Variants in CYLC2 observed in about 807,000 individuals in gnomAD.
CYLC2 encodes cylicin-2.
In CYLC2, 30 loss-of-function variants were observed where a neutral mutation model predicts 26.1. The observed-to-expected ratio is 1.15, with a 90% confidence interval of 0.86 to 1.56. The LOEUF is 1.56. Ranked by LOEUF, CYLC2 falls within the 40% of genes most tolerant of loss-of-function variation. The pLI is 0.00. For missense variants in CYLC2, 498 were observed against 394.4 expected (o/e 1.26, Z -2.23); for synonymous variants, 158 against 132.8 (o/e 1.19, Z -1.31).
intron 1 of CYLC2, among the ~76,000 whole-genome samples, chr9:102,998,698 T>C (rs76032194): frequency 2.8e-4 from 43 of 152,040 alleles, no homozygotes; most frequent in Non-Finnish European, 4.9e-4. Context: ...CTAACTCTAA[T>C]CTCATAAACA....
At chr9:102,996,754 T>C (rs1037131702) in intron 1 of CYLC2, among the ~76,000 whole-genome samples, 1 of 152,010 alleles carries the variant, frequency 6.6e-6, no homozygotes, top group Non-Finnish European at 1.5e-5. Flanking sequence ...TTGTATGTGA[T>C]AAAGAAAATT....
At position 103,006,347 on chromosome 9, in the gene CYLC2, G is replaced by A. The variant is rs1051462543; in HGVS notation, c.*669G>A. The A allele has an allele frequency of 2.0e-5, 3 of 152,034 alleles. No homozygotes were observed. The highest frequency in any genetic ancestry group is 4.4e-5 in the Non-Finnish European group (3 of 68,014). The allele number at this position is 152,034 out of a possible 1,614,324, so 9.4% of individuals were successfully genotyped here. On this transcript the variant is annotated 3_prime_UTR_variant, in exon 5 of 8. Coordinates refer to ENST00000374798, the MANE Select transcript of CYLC2 (RefSeq NM_001340.5). Reference sequence around the variant, plus strand: ...ACAGTCATGTTTATGGTTGTTGGATGTGCCACTTCCAATCCAAAAGAAGCA... The same window carrying A: ...ACAGTCATGTTTATGGTTGTTGGATATGCCACTTCCAATCCAAAAGAAGCA...
At chr9:103,002,473 C>T (rs555726479) in intron 2 of CYLC2, among the ~76,000 whole-genome samples, 1 of 148,724 alleles carries the variant, frequency 6.7e-6, no homozygotes, top group African/African-American at 2.5e-5. Context: ...TCACACCATT[C>T]TCCTGCCTCA....
At chr9:103,006,429 T>TTTA (rs1564098487) in intron 5 of CYLC2, 51 bp downstream of exon 5, 2 of 21,358 alleles carry the variant, frequency 9.4e-5, no homozygotes, top group Non-Finnish European at 2.2e-4. Context: ...TTATTTATTT[T>TTTA]TTGAGATGGA....
rs146533245 is a variant in CYLC2 at position 103,005,232 on chromosome 9, G to C, written c.601G>C (p.Asp201His). The change falls in exon 5 of 8, where the codon GAC (aspartate) becomes CAC (histidine). Residue 201 changes from aspartate (D) to histidine (H), a missense_variant. Coordinates refer to ENST00000374798, the MANE Select transcript of CYLC2 (RefSeq NM_001340.5). The part of the protein sequence containing the change: ...KDKKDSNKGK[D>H]SATESEGEKG... ...TAAAAAGGATTCAAACAAAGGCAAA[G>C]ACTCGGCAACAGAATCTGAAGGTGA... The C allele has an allele frequency of 1.4e-4, 231 of 1,612,286 alleles. No individual in the cohort carries two copies. The African/African-American group carries it at 2.6e-3, about 18-fold the overall frequency.
intron 6 of CYLC2, among the ~76,000 whole-genome samples, chr9:103,012,768 T>A (rs993047507): frequency 6.6e-6 from 1 of 151,772 alleles, no homozygotes; most frequent in Non-Finnish European, 1.5e-5. Context: ...ATTAATAAGT[T>A]ATTATATGTG....
intron 1 of CYLC2, among the ~76,000 whole-genome samples, chr9:102,997,269 T>C (rs531045483): frequency 6.6e-6 from 1 of 151,950 alleles, no homozygotes; most frequent in East Asian, 1.9e-4. Flanking sequence ...TTTAACAGTA[T>C]CCCTGGTCTC....
chr9:103,013,692 T>G (rs1195413452), intron 6 of CYLC2, among the ~76,000 whole-genome samples: 2 of 110,584 alleles, frequency 1.8e-5, no homozygotes, highest in African/African-American at 7.4e-5. Context: ...ATATATAATA[T>G]ATCCTGTACA....
chr9:103,015,260 TA>T (rs1314638268), intron 6 of CYLC2, among the ~76,000 whole-genome samples: 1 of 121,382 alleles, frequency 8.2e-6, no homozygotes, highest in Non-Finnish European at 1.6e-5. Context: ...TAATATATAT[TA>T]TATACATATA....
In CYLC2 at chr9:103,004,847, A is replaced by G. The variant is rs554532369; in HGVS notation, c.333A>G (p.Ala111=). Reference sequence around the variant, plus strand: ...GTACTGTCGAGGTGGATTCTAAAGCAGCAGGTAGAGATAACTTACTGTTTT... The same window carrying G: ...GTACTGTCGAGGTGGATTCTAAAGCGGCAGGTAGAGATAACTTACTGTTTT... ...PTRTVEVDSK[A]AEIGKKGEDK... The change falls in exon 4 of 8, where the codon GCA becomes GCG. Residue 111 remains alanine, a synonymous_variant. Transcript: ENST00000374798. 1 of 1,607,842 alleles carries G rather than the reference A, an allele frequency of 6.2e-7. No homozygotes were observed. The highest frequency in any genetic ancestry group is 8.5e-7 in the Non-Finnish European group (1 of 1,178,462).
chr9:103,005,590 A>G lies in CYLC2; in HGVS notation c.959A>G (p.Lys320Arg). 3 of 1,610,596 alleles carry G rather than the reference A, an allele frequency of 1.9e-6. No individual in the cohort carries two copies. The highest frequency in any genetic ancestry group is 2.2e-5 in the South Asian group (2 of 90,890). The part of the protein sequence containing the change: ...KESADSKKDA[K>R]KNAKKDAKKD... ...TCTGCTGATTCAAAGAAGGATGCAA[A>G]GAAAAATGCTAAGAAGGATGCAAAG... is the stretch of plus-strand genomic sequence containing the variant. The change falls in exon 5 of 8, where the codon AAG becomes AGG. Residue 320 changes from lysine to arginine, a missense_variant. By Grantham distance (26) the Lys-to-Arg change is conservative. Transcript: ENST00000374798.
rs753450455 is a variant in CYLC2 at position 103,012,044 on chromosome 9, C to T, written c.*763C>T. 3 of 144,390 alleles carry T rather than the reference C, an allele frequency of 2.1e-5. No individual in the cohort carries two copies. The highest frequency in any genetic ancestry group is 4.5e-5 in the Non-Finnish European group (3 of 66,888). 8.9% of individuals were successfully genotyped at this position (144,390 alleles called of 1,614,324 possible). On this transcript the variant is annotated 3_prime_UTR_variant, in exon 6 of 8. Transcript: ENST00000374798. ...ATCTCAGGCTTACTACAGCCTCCAC[C>T]TTCAGGTTCAAGTGATTCTCCTGCC...
intron 1 of CYLC2, among the ~76,000 whole-genome samples, chr9:103,000,380 G>A (rs1402417461): frequency 6.6e-6 from 1 of 151,900 alleles, no homozygotes; most frequent in East Asian, 1.9e-4. Flanking sequence ...GTTTAATAGT[G>A]TTTCATGAAC....
chr9:103,004,360 G>T (rs1246216553), intron 3 of CYLC2, among the ~76,000 whole-genome samples: 1 of 152,028 alleles, frequency 6.6e-6, no homozygotes, highest in Non-Finnish European at 1.5e-5. Flanking sequence ...AGGTGAGCAA[G>T]ATATTCCAAG....
At chr9:103,003,817 A>T (rs543145072) in intron 3 of CYLC2, among the ~76,000 whole-genome samples, 1 of 152,214 alleles carries the variant, frequency 6.6e-6, no homozygotes, top group African/African-American at 2.4e-5. Context: ...ATGGGATTAC[A>T]CTATACCTTT....
At chr9:103,017,475 A>G (rs1349748928) in intron 7 of CYLC2, among the ~76,000 whole-genome samples, 2 of 152,046 alleles carry the variant, frequency 1.3e-5, no homozygotes, top group Non-Finnish European at 2.9e-5. Context: ...TTTACTGAAT[A>G]AATTGATCTG....
chr9:103,011,016 A>G (rs970339121), intron 5 of CYLC2, among the ~76,000 whole-genome samples: 2 of 152,094 alleles, frequency 1.3e-5, no homozygotes, highest in Non-Finnish European at 2.9e-5. Flanking sequence ...GATTCTAGAA[A>G]CCATTACAAA....
Position 103,005,586 on chromosome 9 carries a change from GC to G in CYLC2, c.956del (p.Ala319GlufsTer37), listed in dbSNP as rs1322137053. ...AGAATCTGCTGATTCAAAGAAGGAT[GC>G]AAAGAAAAATGCTAAGAAGGATGCA... The part of the protein sequence containing the change: ...EKESADSKKD[A>X]KKNAKKDAKK... On this transcript the variant is annotated frameshift_variant, in exon 5 of 8. Coordinates refer to ENST00000374798, the MANE Select transcript of CYLC2 (RefSeq NM_001340.5). LOFTEE classifies it low-confidence loss of function (END_TRUNC). 2 of 1,609,806 alleles carry G rather than the reference GC, an allele frequency of 1.2e-6. No homozygotes were observed. The highest frequency in any genetic ancestry group is 2.2e-5 in the South Asian group (2 of 90,846).
chr9:103,004,072 T>C (rs972803228), intron 3 of CYLC2, among the ~76,000 whole-genome samples: 3 of 152,162 alleles, frequency 2.0e-5, no homozygotes, highest in African/African-American at 7.2e-5. Flanking sequence ...TTAGCTATTT[T>C]TGCCATTCAG....
Sources: allele counts gnomAD v4.1 joint callset (sites outside exome capture counted in the v4.1 genomes callset), GRCh38; gene constraint gnomAD v4.1.1; transcripts MANE v1.5; gene names NCBI Gene and HGNC (gene_info 2026-07-23, HGNC 2026-07-21).